PLCH2: variants seen among roughly 807,000 people sequenced by gnomAD.
PLCH2 encodes the protein phospholipase C eta 2.
PLCH2 carries 98 observed loss-of-function variants against 134.7 expected under a neutral mutation model. That is an observed-to-expected ratio of 0.73 (90% CI 0.62 to 0.86). PLCH2 has a LOEUF of 0.86. PLCH2 is among the 40% of genes least tolerant of loss of function. The pLI is 0.00. For synonymous variants in PLCH2, 974 were observed against 827.5 expected, an observed-to-expected ratio of 1.18 and a Z score of -3.04; for missense variants, 1,994 against 1,986.6, an observed-to-expected ratio of 1.00 and a Z score of -0.07.
Position 2,452,609 on chromosome 1 carries a change from C to T in PLCH2, c.115+21980C>T, listed in dbSNP as rs72644626. Among the ~76,000 whole-genome samples, 1,436 of 152,348 alleles carry T rather than the reference C, an allele frequency of 9.4e-3. 14 individuals are homozygous for T. The highest frequency in any genetic ancestry group is 0.041 in the East Asian group (215 of 5,182). On this transcript the variant is annotated intron_variant, in intron 2 of 3. Coordinates refer to the PLCH2 transcript ENST00000609981. Reference sequence around the variant, plus strand: ...AGCAAATGCACCGTTCACTCCACCCCAAGCTGCCCCAGAGAGCAGCAGATG... The same window carrying T: ...AGCAAATGCACCGTTCACTCCACCCTAAGCTGCCCCAGAGAGCAGCAGATG...
intron 5 of PLCH2, 137 bp from the exon 6 acceptor site, chr1:2,486,770 G>A: frequency 1.4e-6 from 1 of 695,486 alleles, no homozygotes; most frequent in Non-Finnish European, 2.5e-6. Context: ...CAAGTCATGT[G>A]ACACTGGAGC....
the PLCH2 span, among the ~76,000 whole-genome samples, chr1:2,417,712 A>G: frequency 6.6e-6 from 1 of 152,106 alleles, no homozygotes; most frequent in South Asian, 2.1e-4. Context: ...CCACCTCCTG[A>G]GGCACTGCCA....
intron 2 of PLCH2, among the ~76,000 whole-genome samples, chr1:2,445,694 AGGT>A (rs1437240773): frequency 6.6e-6 from 1 of 151,970 alleles, no homozygotes; most frequent in Non-Finnish European, 1.5e-5. Context: ...AGACCCTCCT[AGGT>A]GGTGGTGGGG....
intron 1 of PLCH2, among the ~76,000 whole-genome samples, chr1:2,428,778 T>C (rs1638925955): frequency 6.6e-6 from 1 of 152,180 alleles, no homozygotes. Flanking sequence ...AGGGGCTGAG[T>C]GCTCATTCCA....
intron 2 of PLCH2, among the ~76,000 whole-genome samples, chr1:2,461,248 A>C (rs1433117927): frequency 2.0e-5 from 3 of 152,178 alleles, no homozygotes; most frequent in Non-Finnish European, 4.4e-5. Context: ...CTGGGCAGCC[A>C]GGGCAGTGCC....
At chr1:2,497,099 G>A in intron 15 of PLCH2, 89 bp downstream of exon 15, 2 of 1,326,584 alleles carry the variant, frequency 1.5e-6, no homozygotes, top group East Asian at 2.5e-5. Context: ...GGGACCCGCT[G>A]GGGCCTCGGT....
Position 2,449,729 on chromosome 1 carries a change from A to G in PLCH2, c.115+19100A>G, listed in dbSNP as rs1640105596. On this transcript the variant is annotated intron_variant, in intron 2 of 3. Transcript: ENST00000609981. ...GCAACTGTGTGGCCTTGGGCAATGG[A>G]CTCACTGCTGAGATGAGCCAGCAGT... Among the ~76,000 whole-genome samples, 4 of 152,214 alleles carry G rather than the reference A, an allele frequency of 2.6e-5. No homozygotes were observed. In the South Asian group the frequency reaches 8.3e-4, roughly 32 times the overall value.
the PLCH2 span, among the ~76,000 whole-genome samples, chr1:2,416,048 G>A: frequency 2.0e-5 from 3 of 152,230 alleles, no homozygotes; most frequent in East Asian, 1.9e-4. Flanking sequence ...CACCCAGTGC[G>A]GTGGGCAGCC....
chr1:2,459,709 C>A (rs973809573), intron 2 of PLCH2, among the ~76,000 whole-genome samples: 1 of 152,068 alleles, frequency 6.6e-6, no homozygotes, highest in Admixed American at 6.6e-5. Context: ...GGTGGTCTTC[C>A]TTTCCGGTGG....
chr1:2,501,690 A>T (rs1643233221), intron 20 of PLCH2: 3 of 177,112 alleles, frequency 1.7e-5, no homozygotes, highest in Non-Finnish European at 3.5e-5. Flanking sequence ...ACAACCAGGG[A>T]GTGCCACGCC....
chr1:2,485,540 T>C (rs1364048228), intron 5 of PLCH2, among the ~76,000 whole-genome samples: 1 of 151,506 alleles, frequency 6.6e-6, no homozygotes, highest in Admixed American at 6.6e-5. Flanking sequence ...GGACCTCCAC[T>C]CTACTTGCCT....
chr1:2,461,807 C>A (rs942755907), intron 2 of PLCH2, among the ~76,000 whole-genome samples: 8 of 152,150 alleles, frequency 5.3e-5, no homozygotes, highest in Admixed American at 2.6e-4. Flanking sequence ...AGGGCTGGGG[C>A]CTTTGTTTGG....
intron 2 of PLCH2, among the ~76,000 whole-genome samples, chr1:2,452,224 A>G (rs1432187564): frequency 6.6e-6 from 1 of 152,164 alleles, no homozygotes; most frequent in African/African-American, 2.4e-5. Context: ...ACGACCCAGG[A>G]TGCTGGAGCT....
rs368605957 is a variant in PLCH2 at position 2,480,173 on chromosome 1, C to T, written c.516-10C>T. The T allele has an allele frequency of 5.6e-5, 91 of 1,612,480 alleles. No individual in the cohort carries two copies. Among genetic ancestry groups the T allele is most frequent in the South Asian group, 1.6e-4 (15 of 91,068 alleles). On this transcript the variant is annotated splice_polypyrimidine_tract_variant and intron_variant, in intron 3 of 21. Transcript: ENST00000378486. ...CATGGATCGCTGTTGGCCCCTAACT[C>T]GGCACCAAAGTGGCTGAAGCAGACG...
At chr1:2,470,940 G>A (rs1006665982) in intron 1 of PLCH2, among the ~76,000 whole-genome samples, 35 of 152,206 alleles carry the variant, frequency 2.3e-4, no homozygotes, top group African/African-American at 8.2e-4. Flanking sequence ...TGGGTGCGAT[G>A]CCCCTGCTGG....
chr1:2,483,690 A>G (rs982629720), intron 4 of PLCH2, among the ~76,000 whole-genome samples: 1 of 151,990 alleles, frequency 6.6e-6, no homozygotes, highest in Non-Finnish European at 1.5e-5. Flanking sequence ...TGGGATTCCC[A>G]TGGCCCCTGT....
At chr1:2,482,141 C>T (rs1032075741) in intron 4 of PLCH2, among the ~76,000 whole-genome samples, 3 of 152,250 alleles carry the variant, frequency 2.0e-5, no homozygotes, top group South Asian at 2.1e-4. Flanking sequence ...AAAGATGCCA[C>T]GTGACTGTGT....
At chr1:2,429,602 T>G (rs1239276433) in intron 1 of PLCH2, among the ~76,000 whole-genome samples, 1 of 151,982 alleles carries the variant, frequency 6.6e-6, no homozygotes, top group East Asian at 1.9e-4. Context: ...CAGTGAGAAT[T>G]AGGGGTTTGG....
At chr1:2,503,566 A>G in intron 21 of PLCH2, 1 of 635,402 alleles carries the variant, frequency 1.6e-6, no homozygotes, top group Non-Finnish European at 2.9e-6. Context: ...GCCCCTCCAG[A>G]CCCCCCTGAC....
Sources: gnomAD v4.1 joint callset for allele counts (sites outside exome capture counted in the v4.1 genomes callset) on GRCh38, gnomAD v4.1.1 for gene constraint, MANE v1.5 for transcripts, NCBI Gene and HGNC (gene_info 2026-07-23, HGNC 2026-07-21) for gene names.